The following UNKL variants were observed in gnomAD, a reference collection of about 807,000 sequenced individuals.
The protein encoded by UNKL is unk like zinc finger.
UNKL carries 60 observed loss-of-function variants against 78.0 expected under a neutral mutation model. The ratio of observed to expected loss-of-function variants is 0.77; its 90% CI spans 0.63 to 0.95. The LOEUF (loss-of-function observed/expected upper bound fraction) is 0.95, where lower values mean the gene tolerates loss of function less well. UNKL is among the 40% of genes least tolerant of loss of function. UNKL has a pLI of 0.00. For synonymous variants in UNKL, 608 were observed against 474.8 expected (o/e 1.28, Z -3.65); for missense variants, 1,159 against 1,045.7 (o/e 1.11, Z -1.49).
In UNKL at chr16:1,406,153, C is replaced by T. The variant is rs112479287; in HGVS notation, c.288-2809G>A. The stretch of plus-strand genomic sequence containing the variant: ...AGGCATAGGTGGGGGGCCCAGAGCA[C>T]AGCACTGAAACAGCTGGGGGTGATG... On this transcript the variant is annotated intron_variant, in intron 2 of 14. Coordinates refer to ENST00000389221, the MANE Select transcript of UNKL (RefSeq NM_001372107.1). The T allele has an allele frequency of 4.2e-3, 1,779 of 426,262 alleles. 25 individuals are homozygous for T. Among genetic ancestry groups the T allele is most frequent in the African/African-American group, 0.033 (1,607 of 49,348 alleles). 26.4% of individuals were successfully genotyped at this position (426,262 alleles called of 1,614,324 possible).
Position 1,385,391 on chromosome 16 carries a change from CAA to C in UNKL, c.1087-8_1087-7del. 8 of 1,372,088 alleles carry C rather than the reference CAA, an allele frequency of 5.8e-6. No individual in the cohort carries two copies. Among genetic ancestry groups the C allele is most frequent in the Non-Finnish European group, 7.5e-6 (8 of 1,064,180 alleles). 85.0% of individuals were successfully genotyped at this position (1,372,088 alleles called of 1,614,324 possible). A position where few individuals can be genotyped will look rare whatever the true frequency, so the allele number is the denominator to read the frequency against. ...GCAAACACGGCCAGGTGGTTCTGTT[CAA>C]AGACATAAACACCGTGAGCGCGCAC... is the stretch of plus-strand genomic sequence containing the variant. On this transcript the variant is annotated splice_region_variant and splice_polypyrimidine_tract_variant and intron_variant, in intron 9 of 14. Transcript: ENST00000389221.
At chr16:1,392,740 G>A (rs1291868327) in intron 8 of UNKL, 151 bp downstream of exon 8, 2 of 945,360 alleles carry the variant, frequency 2.1e-6, no homozygotes, top group African/African-American at 1.6e-5. Flanking sequence ...CAGCCTAGTG[G>A]CAAGGATTTT....
At chr16:1,385,415 G>A (rs990424438) in intron 9 of UNKL, 30 bp from the exon 10 acceptor site, 71 of 1,309,138 alleles carry the variant, frequency 5.4e-5, no homozygotes, top group Non-Finnish European at 6.3e-5. Context: ...CCGTGAGCGC[G>A]CACCCCCTGC....
At chr16:1,369,832 G>A (rs1486020680) in intron 12 of UNKL, 3 of 963,066 alleles carry the variant, frequency 3.1e-6, no homozygotes, top group African/African-American at 1.6e-5. Context: ...AAAACTAGCT[G>A]GGCGTGGTGG....
intron 2 of UNKL, among the ~76,000 whole-genome samples, chr16:1,412,686 G>A (rs188511087): frequency 3.3e-4 from 50 of 152,300 alleles, no homozygotes; most frequent in African/African-American, 1.1e-3. Flanking sequence ...ATCAAGAGAC[G>A]AAACATCCCA....
Position 1,366,388 on chromosome 16 carries a change from A to C in UNKL, c.2054T>G (p.Phe685Cys). 1 of 1,591,526 alleles carries C rather than the reference A, an allele frequency of 6.3e-7. No homozygotes were observed. The highest frequency in any genetic ancestry group is 8.6e-7 in the Non-Finnish European group (1 of 1,166,454). Residue 685 changes from phenylalanine (F) to cysteine (C), a missense_variant, in exon 15 of 15, where the codon TTC becomes TGC. Coordinates refer to ENST00000389221, the MANE Select transcript of UNKL (RefSeq NM_001372107.1). ...CACACACTGCTTGGCGCGGAGCTGG[A>C]AGATCACCTGCAGGGCCAGAACAAT... The part of the protein sequence containing the change: ...LDLEAVDGVI[F>C]QLRAKQCVAC...
chr16:1,375,977 T>C (rs1409077817), intron 10 of UNKL, among the ~76,000 whole-genome samples: 1 of 152,190 alleles, frequency 6.6e-6, no homozygotes, highest in East Asian at 1.9e-4. Context: ...GCCGAGACAC[T>C]GCAGGCAGTG....
chr16:1,406,453 T>C (rs1024962765), intron 2 of UNKL, among the ~76,000 whole-genome samples: 1 of 152,162 alleles, frequency 6.6e-6, no homozygotes, highest in African/African-American at 2.4e-5. Flanking sequence ...CATCAGGTGA[T>C]CCGCCTGCCT....
At chr16:1,404,993 A>C (rs2037685070) in intron 2 of UNKL, among the ~76,000 whole-genome samples, 1 of 152,144 alleles carries the variant, frequency 6.6e-6, no homozygotes, top group Non-Finnish European at 1.5e-5. Flanking sequence ...TAGGGGTTCA[A>C]GACTAGCCTG....
At chr16:1,378,087 C>T (rs1450923029) in intron 10 of UNKL, among the ~76,000 whole-genome samples, 1 of 152,222 alleles carries the variant, frequency 6.6e-6, no homozygotes, top group Non-Finnish European at 1.5e-5. Flanking sequence ...CTGTGCCTTC[C>T]ATTCAGTAAG....
At chr16:1,414,144 G>A (rs1394506414) in intron 1 of UNKL, 89 bp from the exon 2 acceptor site, 3 of 1,335,440 alleles carry the variant, frequency 2.2e-6, no homozygotes, top group East Asian at 5.1e-5. Flanking sequence ...GGCCTCAGGA[G>A]CCTCAACCCA....
chr16:1,371,141 G>A (rs1373477044), intron 11 of UNKL, among the ~76,000 whole-genome samples: 2 of 150,718 alleles, frequency 1.3e-5, no homozygotes. Flanking sequence ...TGTCTACAAT[G>A]TGAATACATT....
intron 10 of UNKL, among the ~76,000 whole-genome samples, chr16:1,381,928 G>C (rs567651074): frequency 6.6e-6 from 1 of 152,264 alleles, no homozygotes; most frequent in Non-Finnish European, 1.5e-5. Context: ...GGGTGACAGG[G>C]CAAGACCCTG....
intron 9 of UNKL, among the ~76,000 whole-genome samples, chr16:1,388,113 G>A (rs1181200526): frequency 1.3e-5 from 2 of 152,158 alleles, no homozygotes; most frequent in African/African-American, 2.4e-5. Flanking sequence ...GAAGGGCCCC[G>A]GGCCCACCAA....
intron 2 of UNKL, among the ~76,000 whole-genome samples, chr16:1,405,003 G>C (rs1257502367): frequency 6.6e-6 from 1 of 152,156 alleles, no homozygotes; most frequent in East Asian, 1.9e-4. Context: ...AGACTAGCCT[G>C]GGCAACATGG....
chr16:1,379,469 C>G, intron 10 of UNKL: 1 of 984,884 alleles, frequency 1.0e-6, no homozygotes, highest in Non-Finnish European at 1.2e-6. Context: ...TCGCTCCGGG[C>G]CTCTGAGAAG....
In UNKL at chr16:1,393,679, C is replaced by T. The variant is rs573305497; in HGVS notation, c.937+452G>A. Among the ~76,000 whole-genome samples the T allele has an allele frequency of 2.7e-4, 41 of 152,318 alleles. 1 individual carries two copies. In the South Asian group the frequency reaches 7.7e-3, roughly 28 times the overall value. On this transcript the variant is annotated intron_variant, in intron 7 of 14. Transcript: ENST00000389221. ...TGCTTGAGGGTCTCTGCTGTCTCCCCGAGCTGGGGCGGACAGACCCCCTCT... is the reference window on the plus strand; with the variant it reads ...TGCTTGAGGGTCTCTGCTGTCTCCCTGAGCTGGGGCGGACAGACCCCCTCT...
At chr16:1,369,985 G>GA in intron 12 of UNKL, 145 bp downstream of exon 12, 5 of 1,550,948 alleles carry the variant, frequency 3.2e-6, no homozygotes, top group Non-Finnish European at 3.5e-6. Flanking sequence ...CGGCGTGGGG[G>GA]AACCTGTGAG....
intron 8 of UNKL, among the ~76,000 whole-genome samples, chr16:1,391,200 A>G (rs1193882587): frequency 6.7e-6 from 1 of 149,226 alleles, no homozygotes; most frequent in Non-Finnish European, 1.5e-5. Flanking sequence ...CACACAATAT[A>G]TATGTACCTA....
Sources: gnomAD v4.1 joint callset for allele counts (sites outside exome capture counted in the v4.1 genomes callset) on GRCh38, gnomAD v4.1.1 for gene constraint, MANE v1.5 for transcripts, NCBI Gene and HGNC (gene_info 2026-07-23, HGNC 2026-07-21) for gene names.